Variants in MKLN1 observed in about 807,000 individuals in gnomAD.
The protein encoded by MKLN1 is muskelin.
MKLN1 carries 18 observed loss-of-function variants against 99.0 expected under a neutral mutation model. The ratio of observed to expected loss-of-function variants is 0.18; its 90% confidence interval spans 0.13 to 0.27. The LOEUF is 0.27. MKLN1 is among the 10% of genes least tolerant of loss of function. MKLN1 has a pLI of 1.00. For missense variants in MKLN1, 621 were observed against 875.9 expected (o/e 0.71, Z 3.67); for synonymous variants, 288 against 293.2 (o/e 0.98, Z 0.18).
In MKLN1 at chr7:131,143,538, A is replaced by G. The variant is rs1338467439; in HGVS notation, c.-297+597A>G. 2.6e-5 allele frequency among the ~76,000 whole-genome samples: 4 copies of G among 150,968 alleles called. No individual in the cohort carries two copies. The East Asian group carries it at 7.9e-4, about 30-fold the overall frequency. ...AGTGACTTCACATAGAGAAAAGTGG[A>G]TTTTTGGCTGGGCACAGTAGCTCAT... On this transcript the variant is annotated intron_variant, in intron 2 of 7. Coordinates refer to the MKLN1 transcript ENST00000416992.
chr7:131,117,922 A>C (rs995235015), intron 1 of MKLN1, among the ~76,000 whole-genome samples: 2 of 152,230 alleles, frequency 1.3e-5, no homozygotes, highest in African/African-American at 2.4e-5. Context: ...TGTCAAGACC[A>C]TGACTAAGAT....
intron 1 of MKLN1, among the ~76,000 whole-genome samples, chr7:131,346,139 A>C (rs1185851206): frequency 6.6e-6 from 1 of 152,232 alleles, no homozygotes; most frequent in Non-Finnish European, 1.5e-5. Flanking sequence ...TTGACTGTAT[A>C]AGAAGAGGCT....
chr7:131,195,466 G>A (rs1033892417), intron 2 of MKLN1, among the ~76,000 whole-genome samples: 2 of 151,744 alleles, frequency 1.3e-5, no homozygotes, highest in Non-Finnish European at 2.9e-5. Context: ...AGCCAAGATC[G>A]TGCCACTGCA....
chr7:131,436,157 G>C (rs904649586), intron 9 of MKLN1, among the ~76,000 whole-genome samples: 2 of 152,086 alleles, frequency 1.3e-5, no homozygotes, highest in Non-Finnish European at 2.9e-5. Context: ...AAAATAATTA[G>C]TGTGAATATT....
chr7:131,216,452 T>TTTATTATA (rs966997348), intron 3 of MKLN1, among the ~76,000 whole-genome samples: 1 of 151,118 alleles, frequency 6.6e-6, no homozygotes, highest in African/African-American at 2.4e-5. Flanking sequence ...AAAAAGAAAG[T>TTTATTATA]TTATTATATT....
intron 9 of MKLN1, 125 bp from the exon 10 acceptor site, chr7:131,437,660 G>A: frequency 1.4e-6 from 1 of 718,106 alleles, no homozygotes; most frequent in Non-Finnish European, 2.3e-6. Flanking sequence ...GACTTGATGT[G>A]AGTTTCTGAG....
intron 2 of MKLN1, among the ~76,000 whole-genome samples, chr7:131,385,401 G>A (rs1005074764): frequency 4.6e-5 from 7 of 150,974 alleles, no homozygotes; most frequent in African/African-American, 1.5e-4. Flanking sequence ...ATTCTTGGTC[G>A]TGTAGTAATT....
At position 131,466,391 on chromosome 7, in the gene MKLN1, G is replaced by A; in HGVS notation, c.1904G>A (p.Cys635Tyr). The A allele has an allele frequency of 6.3e-7, 1 of 1,592,132 alleles. No individual in the cohort carries two copies. Among genetic ancestry groups the A allele is most frequent in the Non-Finnish European group, 8.6e-7 (1 of 1,165,792 alleles). The change falls in exon 15 of 18, where the codon TGC becomes TAC. Residue 635 changes from cysteine (C) to tyrosine (Y), a missense_variant. This residue lies in a region of MKLN1 where 126 missense variants were observed against 157.4 expected (regional missense o/e 0.80). Coordinates refer to ENST00000352689, the MANE Select transcript of MKLN1 (RefSeq NM_013255.5). The stretch of plus-strand genomic sequence containing the variant: ...TCAAAAGATTATTTACTGAGGCATT[G>A]CAAGTACCTCATAAGAAAACACAGG... ...RPSKDYLLRH[C>Y]KYLIRKHRFE... is the part of the protein sequence containing the mutation.
intron 1 of MKLN1, among the ~76,000 whole-genome samples, chr7:131,356,338 C>T (rs1167225050): frequency 6.6e-6 from 1 of 152,072 alleles, no homozygotes; most frequent in African/African-American, 2.4e-5. Context: ...CAGTTAACTG[C>T]CTGACCATCA....
chr7:131,127,140 G>C lies in MKLN1; in HGVS notation c.-418-15680G>C, dbSNP rs546726848. Among the ~76,000 whole-genome samples, 173 of 148,786 alleles carry C rather than the reference G, an allele frequency of 1.2e-3. 1 individual carries two copies. Among genetic ancestry groups the C allele is most frequent in the African/African-American group, 4.2e-3 (169 of 40,378 alleles). ...AGATCATGCCATTGCACTCTAACCT[G>C]GGTGACAAGAGCAAAACTCCATCTC... On this transcript the variant is annotated intron_variant, in intron 1 of 7. Coordinates refer to the MKLN1 transcript ENST00000416992.
chr7:131,122,437 C>T (rs949122827), intron 1 of MKLN1, among the ~76,000 whole-genome samples: 4 of 152,160 alleles, frequency 2.6e-5, no homozygotes, highest in Non-Finnish European at 5.9e-5. Flanking sequence ...TGATATTCAC[C>T]TGTGTCTGGT....
intron 8 of MKLN1, among the ~76,000 whole-genome samples, chr7:131,421,509 CCT>C (rs1385112376): frequency 6.6e-6 from 1 of 152,044 alleles, no homozygotes; most frequent in African/African-American, 2.4e-5. Flanking sequence ...TGGCTCTACC[CCT>C]GACTTCTTAT....
intron 1 of MKLN1, among the ~76,000 whole-genome samples, chr7:131,111,769 CA>C (rs1563218591): frequency 2.0e-5 from 3 of 151,270 alleles, no homozygotes; most frequent in African/African-American, 4.9e-5. Flanking sequence ...AAATGAAACG[CA>C]TAAATAAATA....
chr7:131,408,359 C>A (rs1794770913), intron 6 of MKLN1, among the ~76,000 whole-genome samples: 1 of 152,044 alleles, frequency 6.6e-6, no homozygotes, highest in Non-Finnish European at 1.5e-5. Flanking sequence ...CTTGAATGGT[C>A]AAAAAGGATT....
At chr7:131,230,985 G>A (rs1318892264) in intron 3 of MKLN1, among the ~76,000 whole-genome samples, 2 of 151,618 alleles carry the variant, frequency 1.3e-5, no homozygotes, top group African/African-American at 2.4e-5. Context: ...GCTGGGCGTG[G>A]TGGTGACGCC....
chr7:131,384,524 G>A (rs1303679882), intron 2 of MKLN1, among the ~76,000 whole-genome samples: 1 of 152,130 alleles, frequency 6.6e-6, no homozygotes, highest in Non-Finnish European at 1.5e-5. Context: ...TTTGAAGGGA[G>A]CATGGTACTG....
chr7:131,224,114 A>C (rs1797101217), intron 3 of MKLN1, among the ~76,000 whole-genome samples: 1 of 74,226 alleles, frequency 1.3e-5, no homozygotes, highest in South Asian at 4.6e-4. Flanking sequence ...AAAAACTCAA[A>C]GCACTGGCTG....
chr7:131,172,661 A>G (rs1433407736), intron 2 of MKLN1, among the ~76,000 whole-genome samples: 1 of 152,186 alleles, frequency 6.6e-6, no homozygotes, highest in African/African-American at 2.4e-5. Context: ...GCAAAGTTAG[A>G]TAATAGAAAT....
At chr7:131,344,546 C>T (rs1438236106) in intron 1 of MKLN1, among the ~76,000 whole-genome samples, 2 of 152,130 alleles carry the variant, frequency 1.3e-5, no homozygotes, top group South Asian at 4.1e-4. Flanking sequence ...TACACGTAGA[C>T]CTTCCACTGG....
Sources: allele counts gnomAD v4.1 joint callset (sites outside exome capture counted in the v4.1 genomes callset), GRCh38; gene constraint gnomAD v4.1.1; regional missense constraint gnomAD v4.1.1; transcripts MANE v1.5; gene names NCBI Gene and HGNC (gene_info 2026-07-23, HGNC 2026-07-21).